The following HIVEP3 variants were observed in gnomAD, a reference collection of about 807,000 sequenced individuals.
HIVEP3 encodes the protein HIVEP zinc finger 3, also known as transcription factor HIVEP3.
A neutral mutation model predicts 152.8 loss-of-function variants in HIVEP3; 49 were observed. That is an observed-to-expected ratio of 0.32 (90% CI 0.26 to 0.41). The LOEUF (loss-of-function observed/expected upper bound fraction) is 0.41. Among genes scored for constraint, HIVEP3 ranks in the 10% least tolerant of loss-of-function variants. HIVEP3 has a pLI of 1.00. For missense variants in HIVEP3, 2,790 were observed against 3,103.3 expected (o/e 0.90, Z 2.40); for synonymous variants, 1,269 against 1,289.0 (o/e 0.98, Z 0.33).
chr1:41,516,241 G>C (rs906425536), intron 7 of HIVEP3, among the ~76,000 whole-genome samples: 66 of 121,228 alleles, frequency 5.4e-4, no homozygotes, highest in African/African-American at 1.9e-3. Context: ...GCTTGAGCGC[G>C]CGGCGGGCGC....
intron 2 of HIVEP3, among the ~76,000 whole-genome samples, chr1:41,680,146 G>A (rs1248513820): frequency 6.6e-6 from 1 of 152,184 alleles, no homozygotes; most frequent in African/African-American, 2.4e-5. Context: ...GACCATGTGG[G>A]CCAGACAGCT....
chr1:41,675,070 TC>T lies in HIVEP3; in HGVS notation c.-721+25845del, dbSNP rs1558169383. 3.9e-5 allele frequency among the ~76,000 whole-genome samples: 6 copies of T among 152,082 alleles called. No individual in the cohort carries two copies. The South Asian group carries it at 1.2e-3, about 32-fold the overall frequency. On this transcript the variant is annotated intron_variant, in intron 2 of 8. Transcript: ENST00000372583. ...AACCATCCTCCCATGGGTGTCCCTG[TC>T]CCCCCACAGGTACCCCAAATGTCCT...
chr1:41,790,484 A>G (rs2124297330), intron 1 of HIVEP3, among the ~76,000 whole-genome samples: 1 of 152,342 alleles, frequency 6.6e-6, no homozygotes, highest in East Asian at 1.9e-4. Context: ...ATACAAACAG[A>G]TTAACACACC....
chr1:41,610,078 T>C (rs1393186938), intron 3 of HIVEP3, among the ~76,000 whole-genome samples: 5 of 152,278 alleles, frequency 3.3e-5, no homozygotes. Flanking sequence ...CCTTCCTGGA[T>C]CTCCAGCCTG....
intron 1 of HIVEP3, among the ~76,000 whole-genome samples, chr1:41,861,312 A>G (rs1643885393): frequency 6.6e-6 from 1 of 152,222 alleles, no homozygotes; most frequent in African/African-American, 2.4e-5. Context: ...TAGGGTTATA[A>G]AAAAGAAATG....
chr1:41,772,962 G>A (rs898946298), intron 1 of HIVEP3, among the ~76,000 whole-genome samples: 2 of 152,142 alleles, frequency 1.3e-5, no homozygotes, highest in African/African-American at 4.8e-5. Flanking sequence ...TGTCTACCAG[G>A]CACTGTTCTG....
chr1:41,953,648 G>A (rs950654679), intron 1 of HIVEP3, among the ~76,000 whole-genome samples: 3 of 152,148 alleles, frequency 2.0e-5, no homozygotes, highest in Non-Finnish European at 1.5e-5. Flanking sequence ...GAATGAATGA[G>A]TACATGAATG....
chr1:42,017,131 T>G (rs1645527849), intron 1 of HIVEP3, among the ~76,000 whole-genome samples: 1 of 152,128 alleles, frequency 6.6e-6, no homozygotes, highest in African/African-American at 2.4e-5. Context: ...TGATATTTAT[T>G]TATTACCATT....
intron 3 of HIVEP3, among the ~76,000 whole-genome samples, chr1:41,622,178 C>G (rs1645055941): frequency 6.6e-6 from 1 of 152,174 alleles, no homozygotes; most frequent in African/African-American, 2.4e-5. Context: ...AAGGCCGAAT[C>G]CCTGCCTAGA....
intron 5 of HIVEP3, among the ~76,000 whole-genome samples, chr1:41,537,850 C>T (rs12065297): frequency 0.25 from 37,749 of 152,126 alleles, 4,835 homozygotes; most frequent in Non-Finnish European, 0.28. Flanking sequence ...AGGAATTCCA[C>T]GGCACGCAGG....
rs74388232 is a variant in HIVEP3 at position 41,994,285 on chromosome 1, C to T, written n.119+41522G>A. Among the ~76,000 whole-genome samples, 426 of 151,286 alleles carry T rather than the reference C, an allele frequency of 2.8e-3. 1 individual carries two copies. Among genetic ancestry groups the T allele is most frequent in the African/African-American group, 9.8e-3 (404 of 41,134 alleles). On this transcript the variant is annotated intron_variant and non_coding_transcript_variant, in intron 1 of 3. Coordinates refer to the HIVEP3 transcript ENST00000489103. ...CTTAGCAAAAAAAAAAAAAAATACCCGAGCAGCCTAGGAAACAATGTATTA... is the reference window on the plus strand; with the variant it reads ...CTTAGCAAAAAAAAAAAAAAATACCTGAGCAGCCTAGGAAACAATGTATTA...
At chr1:41,843,442 G>C (rs947302182) in intron 1 of HIVEP3, among the ~76,000 whole-genome samples, 1 of 152,128 alleles carries the variant, frequency 6.6e-6, no homozygotes, top group African/African-American at 2.4e-5. Flanking sequence ...AGATGCATGG[G>C]CATCAGTATT....
At chr1:41,622,509 G>A (rs1184773249) in intron 3 of HIVEP3, among the ~76,000 whole-genome samples, 1 of 152,126 alleles carries the variant, frequency 6.6e-6, no homozygotes, top group Non-Finnish European at 1.5e-5. Context: ...GCCTGTTTTC[G>A]TACATAAAAT....
chr1:41,768,830 C>A (rs1193339913), intron 1 of HIVEP3, among the ~76,000 whole-genome samples: 1 of 152,232 alleles, frequency 6.6e-6, no homozygotes, highest in Admixed American at 6.5e-5. Context: ...CTAAAACCCG[C>A]CCTGTTGGCT....
intron 5 of HIVEP3, among the ~76,000 whole-genome samples, chr1:41,528,337 ACT>A (rs1343823123): frequency 2.0e-5 from 1 of 50,322 alleles, no homozygotes; most frequent in African/African-American, 8.4e-5. Flanking sequence ...CCACACTCAC[ACT>A]CGCCCTCACA....
At chr1:41,743,404 A>C (rs1165982686) in intron 1 of HIVEP3, among the ~76,000 whole-genome samples, 1 of 152,220 alleles carries the variant, frequency 6.6e-6, no homozygotes, top group Admixed American at 6.5e-5. Context: ...CTTAGGACAG[A>C]GCCTGACATC....
At chr1:41,561,006 G>A (rs1438001402) in intron 5 of HIVEP3, among the ~76,000 whole-genome samples, 1 of 152,226 alleles carries the variant, frequency 6.6e-6, no homozygotes, top group African/African-American at 2.4e-5. Flanking sequence ...TCCTTATGGA[G>A]ACAAGGCTTG....
chr1:41,739,813 C>G (rs1477857676), intron 1 of HIVEP3, among the ~76,000 whole-genome samples: 1 of 152,222 alleles, frequency 6.6e-6, no homozygotes, highest in South Asian at 2.1e-4. Flanking sequence ...AAGGCAGAGG[C>G]TCAAGTCCAG....
chr1:42,002,807 T>G (rs1645435811), intron 1 of HIVEP3, among the ~76,000 whole-genome samples: 1 of 141,736 alleles, frequency 7.1e-6, no homozygotes, highest in African/African-American at 2.5e-5. Flanking sequence ...CCTGCCCACA[T>G]GCTCATACAG....
Sources: gnomAD v4.1 joint callset for allele counts (sites outside exome capture counted in the v4.1 genomes callset) on GRCh38, gnomAD v4.1.1 for gene constraint, MANE v1.5 for transcripts, NCBI Gene and HGNC (gene_info 2026-07-23, HGNC 2026-07-21) for gene names.